The following TP63 variants were observed in gnomAD, a reference collection of about 807,000 sequenced individuals.
TP63 encodes the protein tumor protein 63.
A neutral mutation model predicts 82.8 loss-of-function variants in TP63; 17 were observed. That is an observed-to-expected ratio of 0.21 (90% CI 0.14 to 0.31). The LOEUF is 0.31. Ranked by LOEUF, TP63 falls within the 10% of genes least tolerant of loss-of-function variation. TP63 has a pLI of 1.00. For synonymous variants in TP63, 330 were observed against 321.7 expected (o/e 1.03, Z -0.28); for missense variants, 648 against 895.3 (o/e 0.72, Z 3.52).
chr3:189,740,660 C>A (rs1018236512), intron 3 of TP63, among the ~76,000 whole-genome samples: 2 of 151,860 alleles, frequency 1.3e-5, no homozygotes. Flanking sequence ...CCACCACACC[C>A]GGCTGATTTT....
chr3:189,764,758 T>G (rs1162854930), intron 3 of TP63, among the ~76,000 whole-genome samples: 6 of 152,318 alleles, frequency 3.9e-5, no homozygotes, highest in Admixed American at 3.9e-4. Context: ...TCAAGTCATT[T>G]CTCACCACAC....
At chr3:189,774,221 C>T (rs866398036) in intron 3 of TP63, among the ~76,000 whole-genome samples, 8 of 152,054 alleles carry the variant, frequency 5.3e-5, no homozygotes, top group East Asian at 1.9e-4. Flanking sequence ...CACGCCCGGC[C>T]GTATTCTGTC....
rs1386616193 is a variant in TP63, at chr3:189,886,478, G to A, written c.1434G>A (p.Val478=). The change falls in exon 11 of 14, where the codon GTG becomes GTA. Residue 478 remains valine, a synonymous_variant. Transcript: ENST00000264731. ...KMNSMNKLPS[V]SQLINPQQRN... ...ACAGCATGAACAAGCTGCCTTCTGT[G>A]AGCCAGCTTATCAACCCTCAGCAGC... 3 of 1,613,966 alleles carry A rather than the reference G, an allele frequency of 1.9e-6. No homozygotes were observed. The African/African-American group carries it at 4.0e-5, about 22-fold the overall frequency.
intron 1 of TP63, among the ~76,000 whole-genome samples, chr3:189,721,844 A>T (rs976260055): frequency 6.6e-6 from 1 of 152,206 alleles, no homozygotes; most frequent in African/African-American, 2.4e-5. Context: ...ATTCCAGCTC[A>T]GATTTAAGTC....
At chr3:189,862,262 A>G (rs1193488648) in intron 4 of TP63, among the ~76,000 whole-genome samples, 1 of 152,170 alleles carries the variant, frequency 6.6e-6, no homozygotes, top group African/African-American at 2.4e-5. Context: ...TTAGGGTTGT[A>G]TCAGGATAAA....
In TP63 at chr3:189,895,888, T is replaced by C. The variant is rs35785527; in HGVS notation, c.*1386T>C. On this transcript the variant is annotated 3_prime_UTR_variant, in exon 14 of 14. Coordinates refer to ENST00000264731, the MANE Select transcript of TP63 (RefSeq NM_003722.5). The stretch of plus-strand genomic sequence containing the variant: ...CATTTTCTTTTTTAACCGGTAAGAG[T>C]TTCAGTTTGTTGGAAAGTAACTGTG... 6.7e-3 allele frequency: 1,510 copies of C among 226,108 alleles called. 18 individuals are homozygous for C. Among genetic ancestry groups the C allele is most frequent in the African/African-American group, 0.032 (1,452 of 45,014 alleles). The allele number at this position is 226,108 out of a possible 1,614,324, so 14.0% of individuals were successfully genotyped here. A position where few individuals can be genotyped will look rare whatever the true frequency, so the allele number is the denominator to read the frequency against.
At chr3:189,813,760 G>A (rs1312138384) in intron 4 of TP63, among the ~76,000 whole-genome samples, 71 of 152,072 alleles carry the variant, frequency 4.7e-4, no homozygotes, top group Admixed American at 4.6e-3. Flanking sequence ...ACAATGTCCA[G>A]CACACAGTAA....
At position 189,799,960 on chromosome 3, in the gene TP63, T is replaced by G. The variant is rs115543435; in HGVS notation, c.325-8312T>G. Among the ~76,000 whole-genome samples, 924 of 152,322 alleles carry G rather than the reference T, an allele frequency of 6.1e-3. 4 individuals carry two copies. Among genetic ancestry groups the G allele is most frequent in the Non-Finnish European group, 9.1e-3 (622 of 68,012 alleles). The stretch of plus-strand genomic sequence containing the variant: ...ATCCCAGGTATTGGGGATTCAGTAC[T>G]AAACAGGCCAGATATATTCTCTCAT... On this transcript the variant is annotated intron_variant, in intron 3 of 13. Coordinates refer to ENST00000264731, the MANE Select transcript of TP63 (RefSeq NM_003722.5).
intron 12 of TP63, among the ~76,000 whole-genome samples, 163 bp from the exon 13 acceptor site, chr3:189,890,626 C>T (rs1463013710): frequency 6.6e-6 from 1 of 152,176 alleles, no homozygotes; most frequent in Non-Finnish European, 1.5e-5. Flanking sequence ...CCAGTAATCT[C>T]CAGACCTCAG....
At chr3:189,656,527 A>C (rs963774292) in intron 1 of TP63, among the ~76,000 whole-genome samples, 1 of 152,156 alleles carries the variant, frequency 6.6e-6, no homozygotes, top group Non-Finnish European at 1.5e-5. Flanking sequence ...ATCACATTAA[A>C]TGTGAATGGT....
At chr3:189,795,802 G>T (rs1416774757) in intron 3 of TP63, among the ~76,000 whole-genome samples, 2 of 151,998 alleles carry the variant, frequency 1.3e-5, no homozygotes, top group Non-Finnish European at 2.9e-5. Flanking sequence ...ACATACTCTA[G>T]GGATGATGAG....
At chr3:189,710,221 C>T (rs984250720) in intron 1 of TP63, among the ~76,000 whole-genome samples, 5 of 152,094 alleles carry the variant, frequency 3.3e-5, no homozygotes, top group African/African-American at 1.2e-4. Context: ...AGGTAACCCT[C>T]CTAACAGGCC....
At chr3:189,694,640 G>T (rs1171892792) in intron 1 of TP63, among the ~76,000 whole-genome samples, 1 of 151,658 alleles carries the variant, frequency 6.6e-6, no homozygotes, top group Non-Finnish European at 1.5e-5. Flanking sequence ...TTATATTAAG[G>T]GTACATACTA....
In TP63 at chr3:189,889,494, C is replaced by T; in HGVS notation, c.1652+10C>T. 6.2e-7 allele frequency: 1 copy of T among 1,614,200 alleles called. No homozygotes were observed. Among genetic ancestry groups the T allele is most frequent in the Non-Finnish European group, 8.5e-7 (1 of 1,180,016 alleles). On this transcript the variant is annotated intron_variant, in intron 12 of 13. Transcript: ENST00000264731. The stretch of plus-strand genomic sequence containing the variant: ...ATTGCAGCATTGTCAGGTGAGTCCA[C>T]AGCATGTGCCCCTGGGGGCCTGCCC...
At chr3:189,679,013 G>C (rs9811339) in intron 1 of TP63, among the ~76,000 whole-genome samples, 67,556 of 151,684 alleles carry the variant, frequency 0.45, 16,164 homozygotes, top group East Asian at 0.6. Context: ...TCAAATCTAG[G>C]AGTCTTTTCT....
chr3:189,676,583 G>A (rs7649341), intron 1 of TP63, among the ~76,000 whole-genome samples: 65,059 of 151,416 alleles, frequency 0.43, 14,934 homozygotes, highest in East Asian at 0.59. Context: ...TGTGTATCCC[G>A]TATGTTCCTT....
At position 189,801,756 on chromosome 3, in the gene TP63, A is replaced by G. The variant is rs374360629; in HGVS notation, c.325-6516A>G. ...TCTTGGCACTCAAAGGAATCTTGAC[A>G]CTTTGTGTCAGAACACAGGACATCT... On this transcript the variant is annotated intron_variant, in intron 3 of 13. Transcript: ENST00000264731. Among the ~76,000 whole-genome samples, 7 of 152,286 alleles carry G rather than the reference A, an allele frequency of 4.6e-5. No homozygotes were observed. In the East Asian group the frequency reaches 1.2e-3, roughly 25 times the overall value.
intron 1 of TP63, among the ~76,000 whole-genome samples, chr3:189,670,277 G>T (rs1409913167): frequency 6.6e-6 from 1 of 152,022 alleles, no homozygotes; most frequent in African/African-American, 2.4e-5. Context: ...ATTGAGTTCA[G>T]AACAGGTACA....
Position 189,769,971 on chromosome 3 carries a change from A to G in TP63, c.324+31197A>G, listed in dbSNP as rs547418523. 1.2e-4 allele frequency among the ~76,000 whole-genome samples: 19 copies of G among 152,340 alleles called. No homozygotes were observed. In the South Asian group the frequency reaches 3.7e-3, roughly 30 times the overall value. On this transcript the variant is annotated intron_variant, in intron 3 of 13. Coordinates refer to ENST00000264731, the MANE Select transcript of TP63 (RefSeq NM_003722.5). ...CAGACTGGTTCATAACTTACAACAG[A>G]TTGTTTACCAGGGTTACAACTTCAT...
Sources: gnomAD v4.1 joint callset for allele counts (sites outside exome capture counted in the v4.1 genomes callset) on GRCh38, gnomAD v4.1.1 for gene constraint, MANE v1.5 for transcripts, NCBI Gene and HGNC (gene_info 2026-07-23, HGNC 2026-07-21) for gene names.